Variants in NDC1 observed in about 807,000 individuals in gnomAD.
The protein encoded by NDC1 is nucleoporin NDC1.
A neutral mutation model predicts 89.8 loss-of-function variants in NDC1; 24 were observed. The ratio of observed to expected loss-of-function variants is 0.27; its 90% CI spans 0.19 to 0.38. NDC1 has a LOEUF of 0.38. NDC1 is among the 10% of genes least tolerant of loss of function. NDC1 has a pLI of 1.00. For missense variants in NDC1, 728 were observed against 797.6 expected (o/e 0.91, Z 1.05); for synonymous variants, 296 against 284.8 (o/e 1.04, Z -0.39).
intron 5 of NDC1, among the ~76,000 whole-genome samples, chr1:53,821,339 A>G (rs548365354): frequency 6.6e-6 from 1 of 152,202 alleles, no homozygotes; most frequent in East Asian, 1.9e-4. Flanking sequence ...AGCTCTTTGG[A>G]AGGCTGAGCT....
chr1:53,823,223 T>A (rs1253081752), intron 5 of NDC1, among the ~76,000 whole-genome samples: 2 of 151,976 alleles, frequency 1.3e-5, no homozygotes, highest in South Asian at 2.1e-4. Context: ...GCTCCAACCA[T>A]CCCCAGGCTG....
chr1:53,832,625 AT>A (rs1283251467), intron 2 of NDC1, 34 bp from the exon 3 acceptor site: 1 of 1,121,086 alleles, frequency 8.9e-7, no homozygotes, highest in Non-Finnish European at 1.4e-6. Context: ...AGTAAAGGTT[AT>A]TCAGTCATGT....
chr1:53,775,470 G>A (rs1267428913), intron 16 of NDC1, among the ~76,000 whole-genome samples: 3 of 152,022 alleles, frequency 2.0e-5, no homozygotes, highest in Non-Finnish European at 4.4e-5. Context: ...TATTGGCCAG[G>A]CTGGTTTTGA....
Position 53,787,164 on chromosome 1 carries a change from C to T in NDC1, c.1794G>A (p.Leu598=). 6.3e-7 allele frequency: 1 copy of T among 1,589,066 alleles called. No homozygotes were observed. The highest frequency in any genetic ancestry group is 1.3e-5 in the African/African-American group (1 of 74,234). The part of the protein sequence containing the change: ...LPAILNTLLT[L]QEAVDKYFKL... The stretch of plus-strand genomic sequence containing the variant: ...CAACCCACAGATTTCTTACCTCTTG[C>T]AGTGTCAACAAAGTATTAAGGATAG... Residue 598 remains leucine, a synonymous_variant, in exon 16 of 18, where the codon CTG becomes CTA. Transcript: ENST00000371429.
At chr1:53,837,264 A>G (rs888768742) in intron 1 of NDC1, among the ~76,000 whole-genome samples, 18 of 152,168 alleles carry the variant, frequency 1.2e-4, no homozygotes, top group African/African-American at 4.3e-4. Flanking sequence ...TCTCTATTAT[A>G]AAAATAATTT....
intron 7 of NDC1, among the ~76,000 whole-genome samples, chr1:53,809,026 T>C (rs1181159): frequency 0.015 from 2,297 of 152,306 alleles, 65 homozygotes; most frequent in African/African-American, 0.052. Context: ...GCAAAGTGCA[T>C]AGAAGATTAC....
Position 53,818,162 on chromosome 1 carries a change from C to G in NDC1, c.703+809G>C, listed in dbSNP as rs759190413. 4.6e-5 allele frequency among the ~76,000 whole-genome samples: 7 copies of G among 152,068 alleles called. 1 individual carries two copies. Among genetic ancestry groups the G allele is most frequent in the Admixed American group, 2.6e-4 (4 of 15,272 alleles). Reference sequence around the variant, plus strand: ...ATAAAATTTACCATCTTAGGCCGGGCGTGGTGGCTCATGCCTGTAATCCTA... The same window carrying G: ...ATAAAATTTACCATCTTAGGCCGGGGGTGGTGGCTCATGCCTGTAATCCTA... On this transcript the variant is annotated intron_variant, in intron 6 of 17. Transcript: ENST00000371429.
At position 53,794,106 on chromosome 1, in the gene NDC1, G is replaced by C. The variant is rs780021675; in HGVS notation, c.1585-827C>G. Among the ~76,000 whole-genome samples, 51 of 151,838 alleles carry C rather than the reference G, an allele frequency of 3.4e-4. 1 individual carries two copies. The highest frequency in any genetic ancestry group is 2.4e-4 in the Non-Finnish European group (16 of 67,994). On this transcript the variant is annotated intron_variant, in intron 13 of 17. Coordinates refer to ENST00000371429, the MANE Select transcript of NDC1 (RefSeq NM_018087.5). ...TTCTCCTACCTCAGCCTCCCAAGTA[G>C]CTAGGACTACAGGAATGCACCACCA...
intron 2 of NDC1, among the ~76,000 whole-genome samples, chr1:53,834,373 T>C (rs575347862): frequency 6.6e-6 from 1 of 152,368 alleles, no homozygotes; most frequent in South Asian, 2.1e-4. Context: ...GCTATGCCTG[T>C]GCTGGCTTAT....
chr1:53,826,068 G>A (rs1374637047), intron 4 of NDC1, 132 bp from the exon 5 acceptor site: 1 of 867,640 alleles, frequency 1.2e-6, no homozygotes, highest in Non-Finnish European at 1.8e-6. Context: ...TAACAAGATG[G>A]CTCGTTTTCA....
intron 7 of NDC1, among the ~76,000 whole-genome samples, chr1:53,808,220 G>A (rs1193244238): frequency 6.6e-6 from 1 of 152,198 alleles, no homozygotes; most frequent in South Asian, 2.1e-4. Context: ...GTCGTTAAAA[G>A]CACATGCTAC....
At chr1:53,791,174 T>A (rs749890488) in intron 14 of NDC1, among the ~76,000 whole-genome samples, 12 of 152,086 alleles carry the variant, frequency 7.9e-5, no homozygotes, top group Non-Finnish European at 1.3e-4. Flanking sequence ...CTTAAGATTG[T>A]GATGTCCGGC....
At chr1:53,831,168 T>G (rs1411841182) in intron 3 of NDC1, among the ~76,000 whole-genome samples, 1 of 151,220 alleles carries the variant, frequency 6.6e-6, no homozygotes, top group African/African-American at 2.4e-5. Flanking sequence ...GAGCTTGCAG[T>G]GAGCCGAAAT....
At chr1:53,798,138 T>TTTATTATTATTA (rs71063883) in intron 11 of NDC1, among the ~76,000 whole-genome samples, 3,348 of 132,972 alleles carry the variant, frequency 0.025, 70 homozygotes, top group East Asian at 0.035. Flanking sequence ...CCATCTTCTT[T>TTTATTATTATTA]TTATTATTAT....
At chr1:53,776,892 T>C (rs1179265530) in intron 16 of NDC1, among the ~76,000 whole-genome samples, 1 of 152,176 alleles carries the variant, frequency 6.6e-6, no homozygotes, top group African/African-American at 2.4e-5. Flanking sequence ...TAATGAGTAA[T>C]GATAATTCCT....
chr1:53,802,376 T>C (rs1401912273), intron 10 of NDC1, among the ~76,000 whole-genome samples: 1 of 151,014 alleles, frequency 6.6e-6, no homozygotes, highest in Non-Finnish European at 1.5e-5. Flanking sequence ...AAAAAAAAGA[T>C]GAAAAGCTGG....
At chr1:53,774,497 T>C (rs1181196) in intron 16 of NDC1, among the ~76,000 whole-genome samples, 38,645 of 152,156 alleles carry the variant, frequency 0.25, 5,903 homozygotes, top group African/African-American at 0.43. Flanking sequence ...TCATCATTAA[T>C]GCCTGGGTCC....
At chr1:53,768,532 G>A (rs1302409411) in intron 17 of NDC1, among the ~76,000 whole-genome samples, 3 of 152,140 alleles carry the variant, frequency 2.0e-5, no homozygotes, top group Admixed American at 6.5e-5. Context: ...CATAAGTTAT[G>A]TTTTGGATGT....
intron 14 of NDC1, among the ~76,000 whole-genome samples, chr1:53,792,968 T>C (rs922067960): frequency 3.3e-5 from 5 of 152,244 alleles, no homozygotes; most frequent in African/African-American, 9.6e-5. Flanking sequence ...AAGGGGTCTG[T>C]GTTGCCTATC....
Sources: gnomAD v4.1 joint callset for allele counts (sites outside exome capture counted in the v4.1 genomes callset) on GRCh38, gnomAD v4.1.1 for gene constraint, MANE v1.5 for transcripts, NCBI Gene and HGNC (gene_info 2026-07-23, HGNC 2026-07-21) for gene names.